Variants in SNTB2 observed in about 807,000 individuals in gnomAD.
The protein encoded by SNTB2 is syntrophin beta 2, also known as beta-2-syntrophin.
In SNTB2, 34 loss-of-function variants were observed where a neutral mutation model predicts 46.2. That is an observed-to-expected ratio of 0.74 (90% CI 0.56 to 0.98). SNTB2 has a LOEUF of 0.98. SNTB2 is among the 50% of genes least tolerant of loss of function. The probability of loss-of-function intolerance (pLI) is 0.00; values close to 1 mark genes in which losing one functional copy is unlikely to be tolerated. For synonymous variants in SNTB2, 290 were observed against 312.6 expected (o/e 0.93, Z 0.76); for missense variants, 603 against 731.4 (o/e 0.82, Z 2.02).
At chr16:69,265,057 G>T (rs1404914119) in intron 3 of SNTB2, among the ~76,000 whole-genome samples, 2 of 152,150 alleles carry the variant, frequency 1.3e-5, no homozygotes, top group African/African-American at 4.8e-5. Flanking sequence ...AGACCATCCT[G>T]TCTAACATGG....
At position 69,301,147 on chromosome 16, in the gene SNTB2, T is replaced by C; in HGVS notation, c.*223T>C. On this transcript the variant is annotated 3_prime_UTR_variant, in exon 7 of 7. Coordinates refer to ENST00000336278, the MANE Select transcript of SNTB2 (RefSeq NM_006750.4). ...TCTAAAAGGCTCCAAAATGAAGCTG[T>C]TGATTTATTCTCATTTCAAAATATG... The C allele has an allele frequency of 4.7e-6, 2 of 422,642 alleles. No homozygotes were observed. The highest frequency in any genetic ancestry group is 4.3e-6 in the Non-Finnish European group (1 of 232,788). The allele number at this position is 422,642 out of a possible 1,614,324, so 26.2% of individuals were successfully genotyped here.
Position 69,187,204 on chromosome 16 carries a change from G to T in SNTB2, c.38G>T (p.Gly13Val). ...VAAATAAAGAGPAMAVWTRAT... is the reference protein window; with the variant it reads ...VAAATAAAGAVPAMAVWTRAT... ...GCGGCGACTGCGGCGGCTGGAGCGGGGCCGGCCATGGCGGTGTGGACGCGG... is the reference window on the plus strand; with the variant it reads ...GCGGCGACTGCGGCGGCTGGAGCGGTGCCGGCCATGGCGGTGTGGACGCGG... The change falls in exon 1 of 7, where the codon GGG becomes GTG. Residue 13 changes from glycine to valine, a missense_variant. Transcript: ENST00000336278. 1 of 1,410,236 alleles carries T rather than the reference G, an allele frequency of 7.1e-7. No individual in the cohort carries two copies. Among genetic ancestry groups the T allele is most frequent in the Non-Finnish European group, 9.2e-7 (1 of 1,081,452 alleles). 87.4% of individuals were successfully genotyped at this position (1,410,236 alleles called of 1,614,324 possible).
chr16:69,250,596 A>T (rs1379431353), intron 2 of SNTB2, among the ~76,000 whole-genome samples: 1 of 152,198 alleles, frequency 6.6e-6, no homozygotes, highest in African/African-American at 2.4e-5. Context: ...GAATGAGAAT[A>T]AATAATATCT....
At chr16:69,287,463 A>G (rs1026450794) in intron 5 of SNTB2, among the ~76,000 whole-genome samples, 3 of 152,074 alleles carry the variant, frequency 2.0e-5, no homozygotes, top group African/African-American at 2.4e-5. Flanking sequence ...CCAGCTACTC[A>G]GGAGGCCGAG....
intron 1 of SNTB2, among the ~76,000 whole-genome samples, chr16:69,215,774 T>C (rs1228619765): frequency 6.6e-6 from 1 of 152,186 alleles, no homozygotes; most frequent in Non-Finnish European, 1.5e-5. Context: ...TTCTATTGCA[T>C]GCATAGATCA....
At chr16:69,278,941 C>T (rs1965009809) in intron 4 of SNTB2, among the ~76,000 whole-genome samples, 1 of 146,438 alleles carries the variant, frequency 6.8e-6, no homozygotes, top group Admixed American at 6.9e-5. Context: ...TGTTAATAAA[C>T]TCATAACGTG....
chr16:69,208,856 G>A (rs1243879228), intron 1 of SNTB2, among the ~76,000 whole-genome samples: 1 of 151,844 alleles, frequency 6.6e-6, no homozygotes, highest in African/African-American at 2.4e-5. Context: ...AAAAAAATCT[G>A]GAGTACGAGA....
At chr16:69,264,162 A>G (rs1218073533) in intron 3 of SNTB2, among the ~76,000 whole-genome samples, 1 of 152,096 alleles carries the variant, frequency 6.6e-6, no homozygotes, top group Non-Finnish European at 1.5e-5. Flanking sequence ...TGCTGCTGCT[A>G]CTATCTTGTC....
intron 1 of SNTB2, chr16:69,235,815 C>A: frequency 7.8e-7 from 1 of 1,289,308 alleles, no homozygotes; most frequent in Non-Finnish European, 1.0e-6. Flanking sequence ...TAAGTTTCTT[C>A]AAATATCCTG....
rs1428739508 is a variant in SNTB2, at chr16:69,245,613, C to T, written c.592C>T (p.Arg198Ter). ...TTTTTTGTTCATAGTCAAGTTCATC[C>T]GAGAAGTAACACCATATATCAAGAA... The part of the protein sequence containing the change: ...KEVLLEVKFI[R>*]EVTPYIKKPS... The change falls in exon 2 of 7, where the codon CGA (arginine) becomes TGA (stop). Residue 198 changes from arginine (R) to a stop codon, truncating the protein, a stop_gained. Coordinates refer to ENST00000336278, the MANE Select transcript of SNTB2 (RefSeq NM_006750.4). LOFTEE classifies it high-confidence loss of function. 1.2e-6 allele frequency: 2 copies of T among 1,613,764 alleles called. No homozygotes were observed. The highest frequency in any genetic ancestry group is 1.7e-6 in the Non-Finnish European group (2 of 1,179,840).
intron 1 of SNTB2, among the ~76,000 whole-genome samples, chr16:69,202,799 C>T (rs1016473978): frequency 3.3e-5 from 5 of 152,002 alleles, no homozygotes; most frequent in South Asian, 4.1e-4. Context: ...TGGTCTCGAC[C>T]TCCTGGCCTC....
chr16:69,224,033 A>T (rs1964433733), intron 1 of SNTB2, among the ~76,000 whole-genome samples: 1 of 152,078 alleles, frequency 6.6e-6, no homozygotes, highest in African/African-American at 2.4e-5. Flanking sequence ...GTCTTATTTC[A>T]TCATGAATAT....
chr16:69,193,318 C>CTTTTTTTT (rs57663863), intron 1 of SNTB2, among the ~76,000 whole-genome samples: 1 of 70,194 alleles, frequency 1.4e-5, no homozygotes, highest in Non-Finnish European at 2.7e-5. Flanking sequence ...ATGGTATAGA[C>CTTTTTTTT]TTTTTTTTTT....
chr16:69,189,470 T>G (rs1399387717), intron 1 of SNTB2, among the ~76,000 whole-genome samples: 2 of 152,282 alleles, frequency 1.3e-5, no homozygotes, highest in African/African-American at 4.8e-5. Context: ...CAAAAAACCT[T>G]TTGGCCAGGC....
intron 2 of SNTB2, among the ~76,000 whole-genome samples, chr16:69,249,460 A>G (rs916405514): frequency 5.3e-5 from 8 of 152,342 alleles, no homozygotes; most frequent in African/African-American, 1.9e-4. Flanking sequence ...GAAGAAGATG[A>G]TATGACTTGG....
chr16:69,270,301 G>A lies in SNTB2; in HGVS notation c.1148+16G>A. 1 of 1,613,832 alleles carries A rather than the reference G, an allele frequency of 6.2e-7. No homozygotes were observed. The highest frequency in any genetic ancestry group is 8.5e-7 in the Non-Finnish European group (1 of 1,179,868). On this transcript the variant is annotated intron_variant, in intron 4 of 6. Coordinates refer to ENST00000336278, the MANE Select transcript of SNTB2 (RefSeq NM_006750.4). ...TTGCCACCAGGTAAGTAAGACTAAA[G>A]ATAAGGAAGTAAAATATTTATCCTA...
chr16:69,284,066 C>T lies in SNTB2; in HGVS notation c.1167C>T (p.Ser389=), dbSNP rs752358573. 10 of 1,612,148 alleles carry T rather than the reference C, an allele frequency of 6.2e-6. No homozygotes were observed. Among genetic ancestry groups the T allele is most frequent in the Non-Finnish European group, 5.1e-6 (6 of 1,178,970 alleles). Residue 389 remains serine (S), a synonymous_variant, in exon 5 of 7, where the codon TCC becomes TCT. Coordinates refer to ENST00000336278, the MANE Select transcript of SNTB2 (RefSeq NM_006750.4). ...GTCCTAGGTTGGTTCATTCTGGCTCCGGATGTCGATCCCCCTCCCTTGGAT... is the reference window on the plus strand; with the variant it reads ...GTCCTAGGTTGGTTCATTCTGGCTCTGGATGTCGATCCCCCTCCCTTGGAT... ...LVATRLVHSG[S]GCRSPSLGSD...
intron 1 of SNTB2, among the ~76,000 whole-genome samples, chr16:69,214,767 T>C (rs1054975580): frequency 3.9e-5 from 6 of 151,968 alleles, no homozygotes; most frequent in African/African-American, 1.5e-4. Flanking sequence ...CCTCAGGTGA[T>C]CCACCCATCT....
chr16:69,194,314 A>T (rs1020874153), intron 1 of SNTB2, among the ~76,000 whole-genome samples: 1 of 152,148 alleles, frequency 6.6e-6, no homozygotes, highest in African/African-American at 2.4e-5. Flanking sequence ...AGCACTTTTT[A>T]TATTCTCTGC....
Sources: allele counts gnomAD v4.1 joint callset (sites outside exome capture counted in the v4.1 genomes callset), GRCh38; gene constraint gnomAD v4.1.1; transcripts MANE v1.5; gene names NCBI Gene and HGNC (gene_info 2026-07-23, HGNC 2026-07-21).